The following PAMR1 variants were observed in gnomAD, a reference collection of about 807,000 sequenced individuals.
PAMR1 encodes inactive serine protease PAMR1.
In PAMR1, 88 loss-of-function variants were observed where a neutral mutation model predicts 81.8. The ratio of observed to expected loss-of-function variants is 1.08; its 90% CI spans 0.91 to 1.28. The LOEUF is 1.28. Ranked by LOEUF, PAMR1 falls within the 50% of genes most tolerant of loss-of-function variation. PAMR1 has a pLI of 0.00. For missense variants in PAMR1, 935 were observed against 919.7 expected (o/e 1.02, Z -0.21); for synonymous variants, 336 against 345.3 (o/e 0.97, Z 0.30).
At chr11:35,435,760 A>G (rs1275861603) in intron 9 of PAMR1, 143 bp downstream of exon 9, 7 of 634,612 alleles carry the variant, frequency 1.1e-5, no homozygotes, top group Non-Finnish European at 1.9e-5. Flanking sequence ...AAGGAAAAAA[A>G]AAGCTCTAAC....
At chr11:35,526,241 A>G (rs1565367173), upstream of PAMR1, among the ~76,000 whole-genome samples, 1 of 152,144 alleles carries the variant, frequency 6.6e-6, no homozygotes, top group South Asian at 2.1e-4. Flanking sequence ...TCCTCTTCCT[A>G]TGATCCCCGT....
chr11:35,459,535 C>T (rs1220814883), intron 6 of PAMR1, among the ~76,000 whole-genome samples: 1 of 152,132 alleles, frequency 6.6e-6, no homozygotes, highest in Non-Finnish European at 1.5e-5. Flanking sequence ...GTATTCATAG[C>T]CAACTTCTCA....
intron 1 of PAMR1, among the ~76,000 whole-genome samples, chr11:35,504,316 G>T (rs1234392221): frequency 1.3e-5 from 2 of 152,112 alleles, no homozygotes; most frequent in Non-Finnish European, 2.9e-5. Flanking sequence ...GCTCATCAGT[G>T]ATATTCGCCT....
At chr11:35,523,455 G>T (rs182489933) in intron 1 of PAMR1, among the ~76,000 whole-genome samples, 1 of 152,246 alleles carries the variant, frequency 6.6e-6, no homozygotes, top group East Asian at 1.9e-4. Context: ...CAGTGGAGTT[G>T]GGTTTCTCCC....
chr11:35,509,640 T>C (rs982247430), intron 1 of PAMR1, among the ~76,000 whole-genome samples: 3 of 152,246 alleles, frequency 2.0e-5, no homozygotes, highest in Admixed American at 6.5e-5. Context: ...ACCCAACTCC[T>C]TCACTTTACC....
intron 3 of PAMR1, among the ~76,000 whole-genome samples, chr11:35,484,356 G>A (rs146807500): frequency 0.025 from 3,738 of 152,262 alleles, 61 homozygotes; most frequent in African/African-American, 0.035. Context: ...AGTTTGAATC[G>A]ACCTGAGCAT....
intron 5 of PAMR1, among the ~76,000 whole-genome samples, chr11:35,469,885 G>A (rs1856819912): frequency 1.3e-5 from 2 of 152,210 alleles, no homozygotes; most frequent in Admixed American, 6.5e-5. Flanking sequence ...TGAGAGTGGG[G>A]TGATTGCTTA....
chr11:35,474,545 G>T, intron 4 of PAMR1, 85 bp downstream of exon 4: 1 of 742,968 alleles, frequency 1.3e-6, no homozygotes. Flanking sequence ...AAAGGCTCCA[G>T]AGGATCCCAG....
chr11:35,507,039 CTTTTTTTTTT>C (rs71044524), intron 1 of PAMR1, among the ~76,000 whole-genome samples: 4 of 86,860 alleles, frequency 4.6e-5, no homozygotes, highest in African/African-American at 9.0e-5. Context: ...AATAGCCTGA[CTTTTTTTTTT>C]TTTTTTTTTT....
At chr11:35,435,852 C>T (rs1856029042) in intron 9 of PAMR1, 51 bp downstream of exon 9, 1 of 1,344,714 alleles carries the variant, frequency 7.4e-7, no homozygotes, top group Admixed American at 1.7e-5. Flanking sequence ...TTTTCTCAGG[C>T]AGTCATGAAA....
intron 1 of PAMR1, among the ~76,000 whole-genome samples, chr11:35,517,929 A>C (rs952080298): frequency 5.3e-5 from 8 of 152,234 alleles, no homozygotes; most frequent in African/African-American, 1.9e-4. Context: ...ATTTGTGACA[A>C]AGACCGATGT....
intron 3 of PAMR1, among the ~76,000 whole-genome samples, chr11:35,484,217 T>A (rs1396920685): frequency 2.6e-5 from 4 of 152,238 alleles, no homozygotes; most frequent in Admixed American, 6.5e-5. Context: ...AAGGCCACTA[T>A]GAGGATCCCA....
Position 35,434,610 on chromosome 11 carries a change from CCAGGTCAGTAACA to C in PAMR1, c.1515_1527del (p.Cys505TrpfsTer6). On this transcript the variant is annotated frameshift_variant, in exon 10 of 11. Transcript: ENST00000619888. LOFTEE classifies it high-confidence loss of function. ...GCTGTCTTGATCATGGTGACCTTCC[CCAGGTCAGTAACA>C]CAGTGGGCAGCCACCACCACAGTGC... 6.2e-7 allele frequency: 1 copy of C among 1,614,014 alleles called. No homozygotes were observed. Among genetic ancestry groups the C allele is most frequent in the Non-Finnish European group, 8.5e-7 (1 of 1,179,978 alleles).
intron 1 of PAMR1, among the ~76,000 whole-genome samples, chr11:35,520,286 G>T (rs1265253301): frequency 6.6e-6 from 1 of 152,210 alleles, no homozygotes; most frequent in Non-Finnish European, 1.5e-5. Context: ...AGTAAAAGGG[G>T]TAGAGTTGAG....
chr11:35,468,153 G>T (rs878981745), intron 5 of PAMR1, 45 bp from the exon 6 acceptor site: 4 of 1,211,492 alleles, frequency 3.3e-6, no homozygotes, highest in South Asian at 1.3e-5. Context: ...ACATTGAGTC[G>T]ATGTCTTCAG....
intron 4 of PAMR1, 116 bp from the exon 5 acceptor site, chr11:35,470,934 C>T: frequency 1.4e-6 from 1 of 708,978 alleles, no homozygotes. Context: ...GTGTCACTGG[C>T]CTGATCGGAT....
At chr11:35,488,197 CTTTTTTTT>C (rs35884320) in intron 3 of PAMR1, among the ~76,000 whole-genome samples, 32 of 88,036 alleles carry the variant, frequency 3.6e-4, no homozygotes, top group Admixed American at 2.4e-3. Context: ...CCTTTCCCAT[CTTTTTTTT>C]TTTTTTTTTT....
At chr11:35,470,217 G>C (rs953587518) in intron 5 of PAMR1, among the ~76,000 whole-genome samples, 1 of 152,142 alleles carries the variant, frequency 6.6e-6, no homozygotes, top group Non-Finnish European at 1.5e-5. Context: ...ACTTACCCAA[G>C]GTCACATAGC....
chr11:35,493,790 C>T (rs946858280), intron 2 of PAMR1, among the ~76,000 whole-genome samples: 5 of 152,198 alleles, frequency 3.3e-5, no homozygotes, highest in African/African-American at 4.8e-5. Flanking sequence ...CTGGGAATGC[C>T]GGAAGTGTGT....
Sources: gnomAD v4.1 joint callset for allele counts (sites outside exome capture counted in the v4.1 genomes callset) on GRCh38, gnomAD v4.1.1 for gene constraint, MANE v1.5 for transcripts, NCBI Gene and HGNC (gene_info 2026-07-23, HGNC 2026-07-21) for gene names.